UXS1: variants seen among roughly 807,000 people sequenced by gnomAD.
UXS1 encodes UDP-glucuronic acid decarboxylase 1.
UXS1 carries 33 observed loss-of-function variants against 62.6 expected under a neutral mutation model. The ratio of observed to expected loss-of-function variants is 0.53; its 90% CI spans 0.40 to 0.70. The LOEUF (loss-of-function observed/expected upper bound fraction) is 0.70, where lower values mean the gene tolerates loss of function less well. Among genes scored for constraint, UXS1 ranks in the 30% least tolerant of loss-of-function variants. UXS1 has a pLI of 0.00. For synonymous variants in UXS1, 213 were observed against 206.8 expected (o/e 1.03, Z -0.26); for missense variants, 434 against 556.3 (o/e 0.78, Z 2.21).
chr2:106,115,949 G>T (rs1219661039), intron 9 of UXS1, among the ~76,000 whole-genome samples: 1 of 152,160 alleles, frequency 6.6e-6, no homozygotes, highest in Non-Finnish European at 1.5e-5. Context: ...CACTAGGATT[G>T]CAAGGAACAG....
At chr2:106,104,249 G>A (rs151122498) in intron 11 of UXS1, among the ~76,000 whole-genome samples, 75 of 152,220 alleles carry the variant, frequency 4.9e-4, no homozygotes, top group African/African-American at 1.7e-3. Flanking sequence ...AATCACCAAC[G>A]GAATGGAACA....
At chr2:106,186,457 T>TATACACAC (rs375660148) in intron 1 of UXS1, among the ~76,000 whole-genome samples, 7,757 of 148,706 alleles carry the variant, frequency 0.052, 257 homozygotes, top group South Asian at 0.11. Flanking sequence ...TATATATATA[T>TATACACAC]ACACACACAC....
chr2:106,150,262 G>A (rs1681903409), intron 5 of UXS1, among the ~76,000 whole-genome samples: 1 of 152,190 alleles, frequency 6.6e-6, no homozygotes, highest in Non-Finnish European at 1.5e-5. Flanking sequence ...TAAGTCCCCA[G>A]CCTTACCATA....
intron 10 of UXS1, among the ~76,000 whole-genome samples, chr2:106,110,255 G>A (rs146805209): frequency 3.2e-4 from 48 of 152,246 alleles, no homozygotes; most frequent in African/African-American, 9.6e-4. Flanking sequence ...AGTCATGGAC[G>A]GCTCCAGAGA....
At position 106,105,431 on chromosome 2, in the gene UXS1, A is replaced by T. The variant is rs139078407; in HGVS notation, c.880-594T>A. On this transcript the variant is annotated intron_variant, in intron 10 of 14. Coordinates refer to ENST00000283148, the MANE Select transcript of UXS1 (RefSeq NM_001253875.2). Reference sequence around the variant, plus strand: ...TCACATTCCCCTTTGTTTCCACTGCACATTTGCTCCACACTTCCATAGCTT... The same window carrying T: ...TCACATTCCCCTTTGTTTCCACTGCTCATTTGCTCCACACTTCCATAGCTT... Among the ~76,000 whole-genome samples the T allele has an allele frequency of 4.7e-3, 710 of 152,240 alleles. 5 individuals carry two copies. Among genetic ancestry groups the T allele is most frequent in the Non-Finnish European group, 6.7e-3 (455 of 68,020 alleles).
chr2:106,100,042 AT>A (rs1677466201), intron 12 of UXS1, among the ~76,000 whole-genome samples: 1 of 152,218 alleles, frequency 6.6e-6, no homozygotes, highest in Admixed American at 6.5e-5. Context: ...CATGGCCAAC[AT>A]TTTAGAGTTC....
intron 6 of UXS1, among the ~76,000 whole-genome samples, chr2:106,130,224 T>C (rs1680326527): frequency 1.3e-5 from 2 of 152,100 alleles, no homozygotes; most frequent in South Asian, 4.1e-4. Context: ...ATGCATCCTG[T>C]ATACATAAAA....
chr2:106,116,561 T>C (rs1679077240), intron 9 of UXS1, among the ~76,000 whole-genome samples: 1 of 152,248 alleles, frequency 6.6e-6, no homozygotes, highest in Non-Finnish European at 1.5e-5. Flanking sequence ...TCTTTGTCCA[T>C]GTCACTGTCC....
intron 4 of UXS1, among the ~76,000 whole-genome samples, chr2:106,162,067 C>CAG (rs1558740475): frequency 1.3e-5 from 2 of 152,196 alleles, no homozygotes; most frequent in African/African-American, 4.8e-5. Flanking sequence ...TTTCCACCGT[C>CAG]ACGCTTTTTT....
chr2:106,143,563 G>A (rs1330370984), intron 6 of UXS1, among the ~76,000 whole-genome samples: 1 of 151,936 alleles, frequency 6.6e-6, no homozygotes, highest in Non-Finnish European at 1.5e-5. Context: ...GATCCGATCT[G>A]ACAGGTCTAC....
At chr2:106,112,136 G>A (rs1434601239) in intron 10 of UXS1, among the ~76,000 whole-genome samples, 1 of 152,208 alleles carries the variant, frequency 6.6e-6, no homozygotes, top group Non-Finnish European at 1.5e-5. Flanking sequence ...CACACACTTG[G>A]ACCACCGACC....
In UXS1 at chr2:106,182,115, T is replaced by C. The variant is rs185608078; in HGVS notation, c.94+12033A>G. Among the ~76,000 whole-genome samples the C allele has an allele frequency of 5.8e-4, 89 of 152,332 alleles. No individual in the cohort carries two copies. The East Asian group carries it at 8.5e-3, about 15-fold the overall frequency. On this transcript the variant is annotated intron_variant, in intron 1 of 14. Coordinates refer to ENST00000283148, the MANE Select transcript of UXS1 (RefSeq NM_001253875.2). ...AATACACTTCACAAAAGAAAGAAATTACAAAACTTTGCTGAGGGCCAAAAG... is the reference window on the plus strand; with the variant it reads ...AATACACTTCACAAAAGAAAGAAATCACAAAACTTTGCTGAGGGCCAAAAG...
At chr2:106,128,562 T>C (rs1010670405) in intron 7 of UXS1, among the ~76,000 whole-genome samples, 5 of 152,164 alleles carry the variant, frequency 3.3e-5, no homozygotes, top group African/African-American at 1.2e-4. Context: ...GTCAACTGCT[T>C]ACACAGAACA....
intron 1 of UXS1, among the ~76,000 whole-genome samples, chr2:106,191,025 C>T (rs1431491262): frequency 6.6e-6 from 1 of 151,992 alleles, no homozygotes; most frequent in African/African-American, 2.4e-5. Context: ...AATCCCTGTC[C>T]TCAGAATCGG....
At position 106,093,968 on chromosome 2, in the gene UXS1, C is replaced by G. The variant is rs1676862923; in HGVS notation, c.*58G>C. 1.3e-6 allele frequency: 2 copies of G among 1,485,324 alleles called. No individual in the cohort carries two copies. The highest frequency in any genetic ancestry group is 8.9e-7 in the Non-Finnish European group (1 of 1,122,122). 92.0% of individuals were successfully genotyped at this position (1,485,324 alleles called of 1,614,324 possible). On this transcript the variant is annotated 3_prime_UTR_variant, in exon 15 of 15. Transcript: ENST00000283148. ...TTCTTTAAACGACAACAAAAAAAAG[C>G]CAAAAATACATCCCATCAAGTGTAC...
chr2:106,101,041 G>A lies in UXS1; in HGVS notation c.984+17C>T. 4 of 1,613,886 alleles carry A rather than the reference G, an allele frequency of 2.5e-6. No individual in the cohort carries two copies. The highest frequency in any genetic ancestry group is 2.5e-6 in the Non-Finnish European group (3 of 1,179,812). Reference sequence around the variant, plus strand: ...AGTCTGAGCTGTCCTGCAGAGTGGAGGGAGAGGAGCACTCACCAGGTTGAC... The same window carrying A: ...AGTCTGAGCTGTCCTGCAGAGTGGAAGGAGAGGAGCACTCACCAGGTTGAC... On this transcript the variant is annotated intron_variant, in intron 12 of 14. Transcript: ENST00000283148.
At chr2:106,149,242 C>A (rs940455250) in intron 5 of UXS1, among the ~76,000 whole-genome samples, 6 of 152,070 alleles carry the variant, frequency 3.9e-5, no homozygotes, top group Admixed American at 3.9e-4. Flanking sequence ...AAAATAAATT[C>A]TATAATACTC....
At chr2:106,147,527 G>GC (rs566851495) in intron 5 of UXS1, among the ~76,000 whole-genome samples, 2 of 152,052 alleles carry the variant, frequency 1.3e-5, no homozygotes, top group East Asian at 1.9e-4. Flanking sequence ...AGGCTGCAGT[G>GC]AGTGGCAATT....
chr2:106,186,388 A>T (rs938159858), intron 1 of UXS1, among the ~76,000 whole-genome samples: 1 of 152,186 alleles, frequency 6.6e-6, no homozygotes, highest in Non-Finnish European at 1.5e-5. Context: ...TCATAAGGAA[A>T]CAATCAGACA....
Sources: allele counts gnomAD v4.1 joint callset (sites outside exome capture counted in the v4.1 genomes callset), GRCh38; gene constraint gnomAD v4.1.1; transcripts MANE v1.5; gene names NCBI Gene and HGNC (gene_info 2026-07-23, HGNC 2026-07-21).